Variants in FBXO15 observed in about 807,000 individuals in gnomAD.
FBXO15 encodes the protein F-box only protein 15.
A neutral mutation model predicts 49.5 loss-of-function variants in FBXO15; 30 were observed. The observed-to-expected ratio is 0.61, with a 90% CI of 0.45 to 0.82. The LOEUF is 0.82. Among genes scored for constraint, FBXO15 ranks in the 40% least tolerant of loss-of-function variants. The probability of loss-of-function intolerance (pLI) is 0.00; values close to 1 mark genes in which losing one functional copy is unlikely to be tolerated. For synonymous variants in FBXO15, 250 were observed against 232.7 expected (o/e 1.07, Z -0.68); for missense variants, 591 against 631.5 (o/e 0.94, Z 0.69).
At chr18:74,077,489 A>C (rs995061963) in intron 9 of FBXO15, among the ~76,000 whole-genome samples, 3 of 152,180 alleles carry the variant, frequency 2.0e-5, no homozygotes, top group African/African-American at 7.2e-5. Context: ...TTGCTCCCTG[A>C]TGCCTTTCCC....
intron 8 of FBXO15, among the ~76,000 whole-genome samples, chr18:74,113,462 T>C (rs1914113658): frequency 6.6e-6 from 1 of 152,202 alleles, no homozygotes; most frequent in Non-Finnish European, 1.5e-5. Flanking sequence ...TGTGTGATTA[T>C]GACATGTCAA....
intron 2 of FBXO15, among the ~76,000 whole-genome samples, chr18:74,139,385 C>T (rs1599191621): frequency 6.6e-6 from 1 of 152,222 alleles, no homozygotes; most frequent in Non-Finnish European, 1.5e-5. Context: ...TGCTCCATTT[C>T]TCATATCAGA....
chr18:74,088,145 C>T (rs4289075), intron 8 of FBXO15, among the ~76,000 whole-genome samples: 34,143 of 152,026 alleles, frequency 0.22, 5,046 homozygotes, highest in African/African-American at 0.4. Flanking sequence ...TGTTTTATCC[C>T]ATTTGATAGG....
In FBXO15 at chr18:74,126,086, A is replaced by G. The variant is rs1473741382; in HGVS notation, c.801T>C (p.Ser267=). ...GACTCAGATTGTACTTTGCAATTAAAGAATGCCATCGGAGTCTTTGAACGT... is the reference window on the plus strand; with the variant it reads ...GACTCAGATTGTACTTTGCAATTAAGGAATGCCATCGGAGTCTTTGAACGT... The part of the protein sequence containing the change: ...TPTKHRLRWH[S]LIAKYNLSHL... The change falls in exon 6 of 10, where the codon TCT becomes TCC. Residue 267 remains serine (S), a synonymous_variant. Transcript: ENST00000419743. The G allele has an allele frequency of 6.2e-7, 1 of 1,613,880 alleles. No homozygotes were observed. The highest frequency in any genetic ancestry group is 1.7e-5 in the Admixed American group (1 of 60,014).
intron 8 of FBXO15, among the ~76,000 whole-genome samples, chr18:74,116,000 G>A (rs1914215786): frequency 6.6e-6 from 1 of 152,122 alleles, no homozygotes; most frequent in Non-Finnish European, 1.5e-5. Context: ...CTTAAGACCT[G>A]GATGGTGATC....
rs1260406855 is a variant in FBXO15 at position 74,081,922 on chromosome 18, T to C, written c.1263+5A>G. 6.3e-7 allele frequency: 1 copy of C among 1,596,990 alleles called. No homozygotes were observed. Among genetic ancestry groups the C allele is most frequent in the Non-Finnish European group, 8.5e-7 (1 of 1,174,112 alleles). ...TTGAAGAAAAGAAAACGGTTCTGTT[T>C]TTACCTTTATACAGCCATCAAAAAT... is the stretch of plus-strand genomic sequence containing the variant. On this transcript the variant is annotated splice_donor_5th_base_variant and intron_variant, in intron 9 of 9. Coordinates refer to ENST00000419743, the MANE Select transcript of FBXO15 (RefSeq NM_001142958.2).
intron 9 of FBXO15, among the ~76,000 whole-genome samples, chr18:74,077,651 G>GA (rs1912308892): frequency 6.6e-6 from 1 of 152,112 alleles, no homozygotes; most frequent in African/African-American, 2.4e-5. Flanking sequence ...TGGGGAATAA[G>GA]AAAAAACACC....
intron 9 of FBXO15, among the ~76,000 whole-genome samples, chr18:74,077,083 C>T (rs1464129054): frequency 6.6e-6 from 1 of 152,192 alleles, no homozygotes; most frequent in African/African-American, 2.4e-5. Context: ...GAAACTGACT[C>T]GGCCCGGCCA....
chr18:74,138,650 A>G (rs913620442), intron 2 of FBXO15, among the ~76,000 whole-genome samples: 1 of 151,844 alleles, frequency 6.6e-6, no homozygotes, highest in African/African-American at 2.4e-5. Context: ...TCCATCATCC[A>G]TCTGGCATCC....
At position 74,138,563 on chromosome 18, in the gene FBXO15, A is replaced by G. The variant is rs538489715; in HGVS notation, c.227+1639T>C. Among the ~76,000 whole-genome samples, 18 of 150,094 alleles carry G rather than the reference A, an allele frequency of 1.2e-4. No homozygotes were observed. In the East Asian group the frequency reaches 3.4e-3, roughly 28 times the overall value. On this transcript the variant is annotated intron_variant, in intron 2 of 9. Coordinates refer to ENST00000419743, the MANE Select transcript of FBXO15 (RefSeq NM_001142958.2). ...GAGTCGCCTTTGCCTTCCCTTCCCC[A>G]CCCTTTCCCTAAGCCACCTCACCCA...
intron 3 of FBXO15, chr18:74,130,936 A>C: frequency 3.0e-5 from 9 of 301,840 alleles, no homozygotes; most frequent in Non-Finnish European, 3.1e-5. Flanking sequence ...GGATCATCCA[A>C]ACGACTGCCC....
rs540877315 is a variant in FBXO15, at chr18:74,132,051, G to A, written c.333-1393C>T. Among the ~76,000 whole-genome samples the A allele has an allele frequency of 2.1e-5, 3 of 145,840 alleles. No homozygotes were observed. In the South Asian group the frequency reaches 6.4e-4, roughly 31 times the overall value. On this transcript the variant is annotated intron_variant, in intron 3 of 9. Coordinates refer to ENST00000419743, the MANE Select transcript of FBXO15 (RefSeq NM_001142958.2). ...CCTGGTTGAATTCTCTTCCTAGTGT[G>A]GGTTTCTCAGTCATTTCTCACTCTG...
chr18:74,144,777 A>G (rs1436651994), intron 1 of FBXO15, among the ~76,000 whole-genome samples: 1 of 152,154 alleles, frequency 6.6e-6, no homozygotes, highest in Non-Finnish European at 1.5e-5. Flanking sequence ...TTCCCCACCC[A>G]CTACAACTAC....
chr18:74,083,837 T>C (rs62096989), intron 8 of FBXO15, among the ~76,000 whole-genome samples: 13,335 of 152,286 alleles, frequency 0.088, 841 homozygotes, highest in East Asian at 0.18. Context: ...AAAGTGTGTG[T>C]ATATAAAATA....
chr18:74,100,062 T>C (rs1913442834), intron 8 of FBXO15: 1 of 152,116 alleles, frequency 6.6e-6, no homozygotes, highest in Admixed American at 6.6e-5. Flanking sequence ...CTGGAACAAA[T>C]GGACATAACA....
chr18:74,137,264 AG>A (rs758805042), intron 2 of FBXO15, among the ~76,000 whole-genome samples: 4 of 152,378 alleles, frequency 2.6e-5, no homozygotes, highest in Non-Finnish European at 5.9e-5. Flanking sequence ...CTCTAATGCT[AG>A]AGACAGCAAA....
chr18:74,115,616 G>A (rs1287355790), intron 8 of FBXO15, among the ~76,000 whole-genome samples: 1 of 152,088 alleles, frequency 6.6e-6, no homozygotes, highest in Non-Finnish European at 1.5e-5. Flanking sequence ...TTCAATTCTA[G>A]AGATCCTTTT....
chr18:74,125,788 C>A (rs1450443438), intron 6 of FBXO15, among the ~76,000 whole-genome samples, 187 bp downstream of exon 6: 1 of 151,988 alleles, frequency 6.6e-6, no homozygotes, highest in African/African-American at 2.4e-5. Context: ...AGCAGAACAG[C>A]ACAGCAGCCT....
chr18:74,102,664 T>C (rs1913575051), intron 8 of FBXO15, among the ~76,000 whole-genome samples: 1 of 152,192 alleles, frequency 6.6e-6, no homozygotes, highest in African/African-American at 2.4e-5. Flanking sequence ...TGCATTTTTA[T>C]AGCAGCACAG....
Sources: gnomAD v4.1 joint callset for allele counts (sites outside exome capture counted in the v4.1 genomes callset) on GRCh38, gnomAD v4.1.1 for gene constraint, MANE v1.5 for transcripts, NCBI Gene and HGNC (gene_info 2026-07-23, HGNC 2026-07-21) for gene names.